ANKRD26: variants seen among roughly 807,000 people sequenced by gnomAD.
ANKRD26 encodes ankyrin repeat domain 26, also known as ankyrin repeat domain-containing protein 26.
Under a neutral mutation model 208.7 loss-of-function variants are expected in ANKRD26, and 141 were observed. That is an observed-to-expected ratio of 0.68 (90% CI 0.59 to 0.78). The LOEUF is 0.78. Among genes scored for constraint, ANKRD26 ranks in the 30% least tolerant of loss-of-function variants. The probability of loss-of-function intolerance (pLI) is 0.00; values close to 1 mark genes in which losing one functional copy is unlikely to be tolerated. For missense variants in ANKRD26, 1,889 were observed against 1,938.7 expected (o/e 0.97, Z 0.48); for synonymous variants, 636 against 660.4 (o/e 0.96, Z 0.57).
chr10:27,037,996 T>G lies in ANKRD26; in HGVS notation c.2434A>C (p.Ile812Leu), dbSNP rs1481901918. Residue 812 changes from isoleucine to leucine, a missense_variant, in exon 22 of 34, where the codon ATT becomes CTT. Ile to Leu is a conservative substitution (Grantham distance 5). Around this residue, in one of 3 missense-constraint regions of ANKRD26, gnomAD observed 1,272 missense variants for 1,273.8 expected, o/e 1.00. Transcript: ENST00000376087. ...RRNADTLYEK[I>L]REQLRRKEEQ... ...TCTTTTCTTCTTAACTGTTCCCTAA[T>G]TTTTTCATACAACGTATCAGCATTT... 5 of 1,612,756 alleles carry G rather than the reference T, an allele frequency of 3.1e-6. No individual in the cohort carries two copies. Among genetic ancestry groups the G allele is most frequent in the Non-Finnish European group, 3.4e-6 (4 of 1,179,738 alleles).
intron 20 of ANKRD26, among the ~76,000 whole-genome samples, chr10:27,042,242 A>G (rs550137271): frequency 1.1e-4 from 16 of 152,206 alleles, no homozygotes; most frequent in Non-Finnish European, 2.1e-4. Context: ...CAATATGTCC[A>G]TATCCAAAAA....
rs192236909 is a variant in ANKRD26 at position 27,046,127 on chromosome 10, C to T, written c.1985+226G>A. ...CCCATTTACCTATTGCCTCTCAGTCCAAGTTCTCTCAAACGCCGTCTGTGC... is the reference window on the plus strand; with the variant it reads ...CCCATTTACCTATTGCCTCTCAGTCTAAGTTCTCTCAAACGCCGTCTGTGC... On this transcript the variant is annotated intron_variant, in intron 18 of 33. Coordinates refer to ENST00000376087, the MANE Select transcript of ANKRD26 (RefSeq NM_014915.3). The T allele has an allele frequency of 5.9e-6, 3 of 510,320 alleles. No individual in the cohort carries two copies. In the Admixed American group the frequency reaches 9.8e-5, roughly 17 times the overall value. 31.6% of individuals were successfully genotyped at this position (510,320 alleles called of 1,614,324 possible). A position where few individuals can be genotyped will look rare whatever the true frequency, so the allele number is the denominator to read the frequency against.
intron 7 of ANKRD26, among the ~76,000 whole-genome samples, chr10:27,078,558 G>C (rs1315106466): frequency 1.3e-5 from 2 of 152,026 alleles, no homozygotes; most frequent in Non-Finnish European, 2.9e-5. Context: ...ACAGACTTTT[G>C]TTCATAGGAT....
At chr10:26,974,673 G>A (rs1290765407) in exon 6 of ANKRD26, among the ~76,000 whole-genome samples, 1 of 152,144 alleles carries the variant, frequency 6.6e-6, no homozygotes, top group Admixed American at 6.5e-5. Context: ...TCCTGAAATA[G>A]ATTCTTTAGA....
intron 28 of ANKRD26, 99 bp downstream of exon 28, chr10:27,024,348 G>T: frequency 1.5e-6 from 1 of 662,180 alleles, no homozygotes; most frequent in Non-Finnish European, 2.6e-6. Context: ...TTAAGAAAAA[G>T]TAGATATTAA....
Position 27,077,644 on chromosome 10 carries a change from G to T in ANKRD26, c.863C>A (p.Ser288Tyr). The T allele has an allele frequency of 6.2e-7, 1 of 1,613,328 alleles. No individual in the cohort carries two copies. Among genetic ancestry groups the T allele is most frequent in the Non-Finnish European group, 8.5e-7 (1 of 1,179,870 alleles). ...TTCAAACAGCTTACAATTTTTCCTG[G>T]ATTGCTGAGAAGCAGTCATTAGCTT... The part of the protein sequence containing the change: ...LAKLMTASQQ[S>Y]RKNLEATYGT... The change falls in exon 8 of 34, where the codon TCC (serine) becomes TAC (tyrosine). Residue 288 changes from serine to tyrosine, a missense_variant. Ser to Tyr is a moderately radical substitution (Grantham distance 144, BLOSUM62 -2). This residue lies in a region of ANKRD26 where 1,272 missense variants were observed against 1,273.8 expected (regional missense o/e 1.00). Transcript: ENST00000376087.
downstream of ANKRD26, among the ~76,000 whole-genome samples, chr10:26,972,032 G>C (rs7094829): frequency 6.6e-6 from 1 of 151,684 alleles, no homozygotes; most frequent in Non-Finnish European, 1.5e-5. Flanking sequence ...TCAGGAGATC[G>C]AGACCATCCT....
chr10:27,011,327 T>A (rs2053099624), intron 32 of ANKRD26, among the ~76,000 whole-genome samples: 1 of 152,130 alleles, frequency 6.6e-6, no homozygotes, highest in Non-Finnish European at 1.5e-5. Flanking sequence ...CTATTCACAG[T>A]TGCAGTAAAA....
intron 9 of ANKRD26, among the ~76,000 whole-genome samples, chr10:27,069,812 T>C (rs1490060562): frequency 6.6e-6 from 1 of 152,126 alleles, no homozygotes; most frequent in Non-Finnish European, 1.5e-5. Context: ...ATTTAAGGTT[T>C]CAATTACATA....
Position 27,037,209 on chromosome 10 carries a change from C to G in ANKRD26, c.2674G>C (p.Ala892Pro). Residue 892 changes from alanine (A) to proline (P), a missense_variant, in exon 23 of 34, where the codon GCT (alanine) becomes CCT (proline). Around this residue, in one of 3 missense-constraint regions of ANKRD26, gnomAD observed 1,272 missense variants for 1,273.8 expected, o/e 1.00. Coordinates refer to ENST00000376087, the MANE Select transcript of ANKRD26 (RefSeq NM_014915.3). ...HLSKQKEIEM[A>P]QKKMNSENSH... is the part of the protein sequence containing the mutation. ...ACCTCAGAATTCATTTTCTTTTGAG[C>G]CATTTCAATCTCCTTTTGTTTGGAA... 1 of 1,613,340 alleles carries G rather than the reference C, an allele frequency of 6.2e-7. No individual in the cohort carries two copies. The highest frequency in any genetic ancestry group is 1.3e-5 in the African/African-American group (1 of 74,994).
chr10:27,007,017 A>G, intron 32 of ANKRD26, 55 bp from the exon 33 acceptor site: 3 of 1,320,420 alleles, frequency 2.3e-6, no homozygotes, highest in South Asian at 1.2e-5. Context: ...AGACATTAAC[A>G]TAGAAATGAT....
chr10:27,042,570 G>A lies in ANKRD26; in HGVS notation c.2161+856C>T, dbSNP rs543534394. Among the ~76,000 whole-genome samples the A allele has an allele frequency of 4.6e-5, 7 of 152,158 alleles. No individual in the cohort carries two copies. The South Asian group carries it at 8.3e-4, about 18-fold the overall frequency. ...CAATTGAGACCATCCTGGCTAACAC[G>A]GTGAAACCCTGTCTCTACTAAAAAT... On this transcript the variant is annotated intron_variant, in intron 20 of 33. Coordinates refer to ENST00000376087, the MANE Select transcript of ANKRD26 (RefSeq NM_014915.3).
chr10:27,019,721 C>A (rs941176834), intron 29 of ANKRD26, among the ~76,000 whole-genome samples: 1 of 152,172 alleles, frequency 6.6e-6, no homozygotes, highest in Non-Finnish European at 1.5e-5. Flanking sequence ...AAATTAATCT[C>A]AACATTTATC....
intron 16 of ANKRD26, among the ~76,000 whole-genome samples, chr10:27,053,025 T>C (rs138580407): frequency 6.6e-6 from 1 of 152,184 alleles, no homozygotes; most frequent in East Asian, 1.9e-4. Context: ...ATCTTTATCA[T>C]ATAAGGAAGT....
chr10:26,958,245 G>A, the ANKRD26 span, among the ~76,000 whole-genome samples: 5 of 151,930 alleles, frequency 3.3e-5, no homozygotes, highest in African/African-American at 1.2e-4. Flanking sequence ...AGCATACCCA[G>A]CTAATTCTTT....
At chr10:27,012,083 C>G (rs534227855) in intron 32 of ANKRD26, among the ~76,000 whole-genome samples, 169 of 152,220 alleles carry the variant, frequency 1.1e-3, no homozygotes, top group African/African-American at 3.7e-3. Flanking sequence ...TCTTGGAGTT[C>G]TTTAAGTAAT....
At chr10:27,055,691 C>A (rs926360810) in intron 15 of ANKRD26, among the ~76,000 whole-genome samples, 2 of 152,092 alleles carry the variant, frequency 1.3e-5, no homozygotes, top group African/African-American at 4.8e-5. Flanking sequence ...AACAACTATT[C>A]ATTAAAACAA....
intron 1 of ANKRD26, among the ~76,000 whole-genome samples, chr10:27,094,226 T>C (rs1253035622): frequency 1.3e-5 from 2 of 152,218 alleles, no homozygotes; most frequent in African/African-American, 4.8e-5. Context: ...CCTCTTTCCT[T>C]TATAAATTAC....
At chr10:27,033,198 G>A in intron 25 of ANKRD26, 27 bp downstream of exon 25, 1 of 1,576,792 alleles carries the variant, frequency 6.3e-7, no homozygotes, top group Admixed American at 1.7e-5. Context: ...TAGATTAACT[G>A]TTTGACATGT....
Sources: allele counts gnomAD v4.1 joint callset (sites outside exome capture counted in the v4.1 genomes callset), GRCh38; gene constraint gnomAD v4.1.1; regional missense constraint gnomAD v4.1.1; transcripts MANE v1.5; gene names NCBI Gene and HGNC (gene_info 2026-07-23, HGNC 2026-07-21).